The following EPS15L1 variants were observed in gnomAD, a reference collection of about 807,000 sequenced individuals.
EPS15L1 encodes the protein epidermal growth factor receptor substrate 15-like 1.
A neutral mutation model predicts 117.1 loss-of-function variants in EPS15L1; 43 were observed. That is an observed-to-expected ratio of 0.37 (90% CI 0.29 to 0.47). The LOEUF is 0.47. Among genes scored for constraint, EPS15L1 ranks in the 20% least tolerant of loss-of-function variants. EPS15L1 has a pLI of 0.99. For synonymous variants in EPS15L1, 459 were observed against 470.5 expected (o/e 0.98, Z 0.32); for missense variants, 981 against 1,164.0 (o/e 0.84, Z 2.29).
intron 16 of EPS15L1, chr19:16,400,915 C>T (rs551834807): frequency 1.9e-4 from 191 of 985,418 alleles, no homozygotes; most frequent in Admixed American, 1.1e-3. Flanking sequence ...TAAGAGGAAG[C>T]TGTTCCCTGA....
chr19:16,428,627 C>A, intron 8 of EPS15L1, 75 bp downstream of exon 8: 4 of 1,027,170 alleles, frequency 3.9e-6, no homozygotes, highest in East Asian at 2.6e-5. Context: ...GAGAGAAAGA[C>A]AAACGAATCC....
At chr19:16,453,731 A>T (rs2093168650) in intron 1 of EPS15L1, among the ~76,000 whole-genome samples, 1 of 151,942 alleles carries the variant, frequency 6.6e-6, no homozygotes, top group Non-Finnish European at 1.5e-5. Context: ...GAAAAAAAAA[A>T]TGACTTATCG....
intron 16 of EPS15L1, chr19:16,401,452 G>A (rs539502188): frequency 1.2e-5 from 12 of 985,574 alleles, no homozygotes; most frequent in African/African-American, 1.7e-5. Flanking sequence ...CTCCAGGGAG[G>A]AGCCCTGGGA....
At chr19:16,376,313 CCTT>C (rs2092294686) in intron 22 of EPS15L1, among the ~76,000 whole-genome samples, 2 of 152,324 alleles carry the variant, frequency 1.3e-5, no homozygotes, top group Admixed American at 1.3e-4. Flanking sequence ...TGCAGTGACT[CCTT>C]CTGCCACTTG....
chr19:16,419,824 G>C (rs1026593817), intron 10 of EPS15L1, among the ~76,000 whole-genome samples: 1 of 152,226 alleles, frequency 6.6e-6, no homozygotes, highest in South Asian at 2.1e-4. Flanking sequence ...CTGCCCCTGC[G>C]GGCCCCAGCC....
rs977498905 is a variant in EPS15L1 at position 16,371,960 on chromosome 19, A to G, written c.2380+5162T>C. ...CGGCAGCCTGCCGGGTCTGTGCTGC[A>G]TCTGCCTGAAAGAAACCAGTTTCTT... On this transcript the variant is annotated intron_variant, in intron 22 of 23. Transcript: ENST00000455140. This position sits in a 1 kb window ranked among gnomAD's most constrained non-coding sequence, Gnocchi z 4.7. Among the ~76,000 whole-genome samples, 5 of 152,236 alleles carry G rather than the reference A, an allele frequency of 3.3e-5. No homozygotes were observed. Among genetic ancestry groups the G allele is most frequent in the African/African-American group, 1.2e-4 (5 of 41,452 alleles).
chr19:16,418,472 C>T (rs904569236), intron 10 of EPS15L1, among the ~76,000 whole-genome samples: 5 of 152,330 alleles, frequency 3.3e-5, no homozygotes, highest in East Asian at 1.9e-4. Flanking sequence ...CCAGCCCTTC[C>T]GTGGAAATGG....
intron 22 of EPS15L1, among the ~76,000 whole-genome samples, chr19:16,376,110 G>A (rs575584570): frequency 9.8e-5 from 15 of 152,300 alleles, no homozygotes; most frequent in Non-Finnish European, 2.1e-4. Flanking sequence ...GAAAGGGCTC[G>A]GGGGCATGCC....
chr19:16,404,810 C>T lies in EPS15L1; in HGVS notation c.1267-61G>A, dbSNP rs924662629. 28 of 1,580,666 alleles carry T rather than the reference C, an allele frequency of 1.8e-5. No homozygotes were observed. The highest frequency in any genetic ancestry group is 1.1e-4 in the East Asian group (5 of 44,390). Reference sequence around the variant, plus strand: ...GAAAAATGAAGCATGTCCAAGATAACGGGGGGCAGCCTGGGCCAGAAGTCC... The same window carrying T: ...GAAAAATGAAGCATGTCCAAGATAATGGGGGGCAGCCTGGGCCAGAAGTCC... On this transcript the variant is annotated intron_variant, in intron 13 of 23. Transcript: ENST00000455140. This position sits in a 1 kb window ranked among gnomAD's most constrained non-coding sequence, Gnocchi z 4.2.
At chr19:16,385,979 G>A (rs889443509) in intron 20 of EPS15L1, among the ~76,000 whole-genome samples, 192 bp downstream of exon 20, 13 of 152,208 alleles carry the variant, frequency 8.5e-5, no homozygotes, top group African/African-American at 2.9e-4. Context: ...AGATGCCAGC[G>A]CGTGCCCAGG....
At chr19:16,357,093 G>A (rs1056780538) in intron 23 of EPS15L1, 2 of 152,520 alleles carry the variant, frequency 1.3e-5, no homozygotes, top group African/African-American at 4.8e-5. Flanking sequence ...CTCTCGAGGA[G>A]GGCCCTGCAG....
intron 16 of EPS15L1, among the ~76,000 whole-genome samples, chr19:16,398,035 A>T (rs977095639): frequency 6.6e-6 from 1 of 152,238 alleles, no homozygotes. Context: ...GTCCACAAAA[A>T]TAGGGACAAT....
At chr19:16,399,143 T>C (rs2092571334) in intron 16 of EPS15L1, among the ~76,000 whole-genome samples, 1 of 152,148 alleles carries the variant, frequency 6.6e-6, no homozygotes, top group African/African-American at 2.4e-5. Flanking sequence ...CAGGAGTCAT[T>C]GGCCTGAAGC....
At position 16,381,180 on chromosome 19, in the gene EPS15L1, A is replaced by G. The variant is rs1449957817; in HGVS notation, c.2248-3926T>C. On this transcript the variant is annotated intron_variant, in intron 21 of 23. Transcript: ENST00000455140. This position sits in a 1 kb window ranked among gnomAD's most constrained non-coding sequence, Gnocchi z 4.2. Reference sequence around the variant, plus strand: ...ACACTCGCTCTGTGCTGATCTTCTCACCTAATAATAGGCCCAGTGACCTGG... The same window carrying G: ...ACACTCGCTCTGTGCTGATCTTCTCGCCTAATAATAGGCCCAGTGACCTGG... Among the ~76,000 whole-genome samples the G allele has an allele frequency of 1.3e-5, 2 of 152,222 alleles. No individual in the cohort carries two copies. The highest frequency in any genetic ancestry group is 2.9e-5 in the Non-Finnish European group (2 of 68,028).
chr19:16,428,442 A>AGGAAGGAAGGAG (rs1555758322), intron 8 of EPS15L1, among the ~76,000 whole-genome samples: 72 of 112,706 alleles, frequency 6.4e-4, no homozygotes, highest in South Asian at 3.2e-3. Flanking sequence ...GAAGGAAGGA[A>AGGAAGGAAGGAG]GGAGGGAGGG....
intron 11 of EPS15L1, 114 bp from the exon 12 acceptor site, chr19:16,417,751 A>C: frequency 8.8e-7 from 1 of 1,136,140 alleles, no homozygotes; most frequent in Non-Finnish European, 1.3e-6. Context: ...ACACAGGGTG[A>C]GGTAGCAAAA....
chr19:16,459,071 T>C (rs1348306096), intron 1 of EPS15L1, among the ~76,000 whole-genome samples: 1 of 152,190 alleles, frequency 6.6e-6, no homozygotes, highest in Non-Finnish European at 1.5e-5. Context: ...TGTAACACAA[T>C]GCTAAGTAGC....
intron 1 of EPS15L1, among the ~76,000 whole-genome samples, chr19:16,459,796 T>A (rs1599687173): frequency 6.6e-6 from 1 of 151,642 alleles, no homozygotes; most frequent in South Asian, 2.1e-4. Flanking sequence ...GGGAGGGAGG[T>A]CAGGCAAGGC....
At chr19:16,374,489 C>T (rs1260508810) in intron 22 of EPS15L1, among the ~76,000 whole-genome samples, 2 of 152,100 alleles carry the variant, frequency 1.3e-5, no homozygotes, top group Non-Finnish European at 2.9e-5. Context: ...CGTTATCAAA[C>T]GTTCTACTTT....
Sources: gnomAD v4.1 joint callset for allele counts (sites outside exome capture counted in the v4.1 genomes callset) on GRCh38, gnomAD v4.1.1 for gene constraint, Gnocchi (gnomAD v3.1) non-coding constraint, MANE v1.5 for transcripts, NCBI Gene and HGNC (gene_info 2026-07-23, HGNC 2026-07-21) for gene names.